CHFR: variants seen among roughly 807,000 people sequenced by gnomAD.
The protein encoded by CHFR is E3 ubiquitin-protein ligase CHFR.
In CHFR, 57 loss-of-function variants were observed where a neutral mutation model predicts 87.6. The ratio of observed to expected loss-of-function variants is 0.65; its 90% CI spans 0.53 to 0.81. The LOEUF (loss-of-function observed/expected upper bound fraction) is 0.81, where lower values mean the gene tolerates loss of function less well. CHFR is among the 30% of genes least tolerant of loss of function. CHFR has a pLI of 0.00. For missense variants in CHFR, 797 were observed against 865.8 expected, an observed-to-expected ratio of 0.92 and a Z score of 1.00; for synonymous variants, 381 against 359.2, an observed-to-expected ratio of 1.06 and a Z score of -0.69.
intron 14 of CHFR, chr12:132,847,780 C>T (rs926540746): frequency 7.9e-7 from 1 of 1,266,246 alleles, no homozygotes; most frequent in Non-Finnish European, 1.0e-6. Context: ...CTTCAAGAAG[C>T]CCTCACCGAG....
At chr12:132,884,947 G>A (rs1391957677) in intron 2 of CHFR, among the ~76,000 whole-genome samples, 1 of 151,970 alleles carries the variant, frequency 6.6e-6, no homozygotes, top group Non-Finnish European at 1.5e-5. Flanking sequence ...AATAAGCCAG[G>A]TGTGGTGGTA....
intron 3 of CHFR, among the ~76,000 whole-genome samples, chr12:132,872,616 A>G (rs549027841): frequency 5.7e-4 from 87 of 151,608 alleles, no homozygotes; most frequent in Non-Finnish European, 1.0e-3. Flanking sequence ...CAGCCACTAC[A>G]CCTCCTCACG....
chr12:132,848,529 T>C (rs1950874330), intron 13 of CHFR, 112 bp downstream of exon 13: 8 of 792,178 alleles, frequency 1.0e-5, no homozygotes, highest in Non-Finnish European at 1.0e-5. Context: ...TGACCAACAG[T>C]GGCCTCATCC....
rs946497615 is a variant in CHFR at position 132,833,172 on chromosome 12, C to A, written c.*8382G>T. ...CTTACGCGAGCCCAGCACTATTCTG[C>A]GTGCGGGGGGTCCCTGCTTTGGTCC... On this transcript the variant is annotated 3_prime_UTR_variant, in exon 18 of 18. Transcript: ENST00000450056. The A allele has an allele frequency of 6.6e-6, 1 of 152,212 alleles. No homozygotes were observed. The highest frequency in any genetic ancestry group is 1.5e-5 in the Non-Finnish European group (1 of 68,066). 9.4% of individuals were successfully genotyped at this position (152,212 alleles called of 1,614,324 possible).
chr12:132,841,317 C>T lies in CHFR; in HGVS notation c.*237G>A, dbSNP rs1443374356. The stretch of plus-strand genomic sequence containing the variant: ...AAGGCTTCGTCTCTGCTGCTGATGC[C>T]ACCACGAGCCCTGCCCAGCGCTCAC... On this transcript the variant is annotated 3_prime_UTR_variant, in exon 18 of 18. Coordinates refer to ENST00000450056, the MANE Select transcript of CHFR (RefSeq NM_001161346.2). 1.9e-5 allele frequency: 9 copies of T among 464,316 alleles called. No individual in the cohort carries two copies. The highest frequency in any genetic ancestry group is 1.4e-4 in the African/African-American group (7 of 50,028). The allele number at this position is 464,316 out of a possible 1,614,324, so 28.8% of individuals were successfully genotyped here.
At chr12:132,881,932 G>C (rs551520825) in intron 2 of CHFR, among the ~76,000 whole-genome samples, 2 of 151,134 alleles carry the variant, frequency 1.3e-5, no homozygotes, top group South Asian at 4.2e-4. Context: ...GGAAAACCTG[G>C]AACTCTCGTA....
At chr12:132,862,139 G>A (rs1426723696) in intron 6 of CHFR, among the ~76,000 whole-genome samples, 1 of 152,106 alleles carries the variant, frequency 6.6e-6, no homozygotes, top group Non-Finnish European at 1.5e-5. Context: ...GACAGGCGTG[G>A]TGGCGAGTGC....
chr12:132,848,869 C>T, intron 12 of CHFR, 145 bp from the exon 13 acceptor site: 1 of 593,844 alleles, frequency 1.7e-6, no homozygotes, highest in Non-Finnish European at 3.0e-6. Context: ...GGGCCACATC[C>T]AGCTAACGCC....
intron 5 of CHFR, among the ~76,000 whole-genome samples, chr12:132,870,225 G>A (rs1191452420): frequency 2.0e-5 from 3 of 152,094 alleles, no homozygotes; most frequent in Admixed American, 6.6e-5. Flanking sequence ...GGTAGCGACT[G>A]CCTGTAGTCC....
chr12:132,853,795 C>T, intron 10 of CHFR: 1 of 538,596 alleles, frequency 1.9e-6, no homozygotes, highest in Non-Finnish European at 3.2e-6. Context: ...CCCAGCTCAG[C>T]CCCCACGCTT....
At chr12:132,868,611 C>T (rs1196847740) in intron 6 of CHFR, among the ~76,000 whole-genome samples, 1 of 152,238 alleles carries the variant, frequency 6.6e-6, no homozygotes, top group Non-Finnish European at 1.5e-5. Flanking sequence ...ACCTGGGAGG[C>T]GGAGCTTGCA....
At chr12:132,865,430 C>T (rs1397613434) in intron 6 of CHFR, among the ~76,000 whole-genome samples, 2 of 151,664 alleles carry the variant, frequency 1.3e-5, no homozygotes, top group Admixed American at 1.3e-4. Context: ...TATCGGCTCA[C>T]TGCAACCTCC....
chr12:132,855,242 G>GA (rs35090182), intron 10 of CHFR, among the ~76,000 whole-genome samples: 77 of 126,262 alleles, frequency 6.1e-4, no homozygotes, highest in East Asian at 2.2e-3. Context: ...ACTTTGTCTC[G>GA]AAAAAAAAAA....
chr12:132,886,519 A>G (rs1169668900), intron 2 of CHFR, among the ~76,000 whole-genome samples: 3 of 152,168 alleles, frequency 2.0e-5, no homozygotes, highest in East Asian at 3.8e-4. Context: ...CTCCCCATAC[A>G]AAGGCTTCAG....
intron 2 of CHFR, among the ~76,000 whole-genome samples, chr12:132,880,434 G>A (rs1380424846): frequency 6.6e-5 from 10 of 151,910 alleles, no homozygotes; most frequent in Admixed American, 2.0e-4. Context: ...AGGGGGGGGC[G>A]GATCACAAGG....
In CHFR at chr12:132,870,602, G is replaced by A. The variant is rs1242207456; in HGVS notation, c.403+122C>T. ...TTGAACCCAGGAGGCGGAGGCTGCA[G>A]TGAGCTGAGATCGCGCCACCGCACT... On this transcript the variant is annotated intron_variant, in intron 5 of 17. Transcript: ENST00000450056. The A allele has an allele frequency of 9.9e-6, 6 of 604,016 alleles. No individual in the cohort carries two copies. The South Asian group carries it at 1.4e-4, about 14-fold the overall frequency. 37.4% of individuals were successfully genotyped at this position (604,016 alleles called of 1,614,324 possible).
intron 2 of CHFR, among the ~76,000 whole-genome samples, chr12:132,884,594 A>C (rs1951845514): frequency 6.6e-6 from 1 of 152,098 alleles, no homozygotes; most frequent in Non-Finnish European, 1.5e-5. Context: ...ATAAATGTTA[A>C]ATGAGGTCAC....
chr12:132,885,648 T>C (rs1951872889), intron 2 of CHFR, among the ~76,000 whole-genome samples: 2 of 152,172 alleles, frequency 1.3e-5, no homozygotes, highest in Non-Finnish European at 2.9e-5. Flanking sequence ...TGTAATAACA[T>C]GTATAACATG....
intron 10 of CHFR, chr12:132,855,118 CG>C (rs571524838): frequency 5.1e-4 from 76 of 149,104 alleles, no homozygotes; most frequent in African/African-American, 1.8e-3. Context: ...GGCATATGCC[CG>C]TAATCCCAGC....
Sources: gnomAD v4.1 joint callset for allele counts (sites outside exome capture counted in the v4.1 genomes callset) on GRCh38, gnomAD v4.1.1 for gene constraint, MANE v1.5 for transcripts, NCBI Gene and HGNC (gene_info 2026-07-23, HGNC 2026-07-21) for gene names.